TMEM269: variants seen among roughly 807,000 people sequenced by gnomAD.
The protein encoded by TMEM269 is transmembrane protein 269.
Under a neutral mutation model 15.8 loss-of-function variants are expected in TMEM269, and 12 were observed. The observed-to-expected ratio is 0.76, with a 90% confidence interval of 0.49 to 1.23. The LOEUF (loss-of-function observed/expected upper bound fraction) is 1.23, where lower values mean the gene tolerates loss of function less well. Among genes scored for constraint, TMEM269 ranks in the 50% most tolerant of loss-of-function variants. The probability of loss-of-function intolerance (pLI) is 0.00; values close to 1 mark genes in which losing one functional copy is unlikely to be tolerated. For missense variants in TMEM269, 211 were observed against 245.4 expected, an observed-to-expected ratio of 0.86 and a Z score of 0.94; for synonymous variants, 93 against 99.3, an observed-to-expected ratio of 0.94 and a Z score of 0.38.
At chr1:42,786,053 A>C (rs1182985787) in intron 1 of TMEM269, among the ~76,000 whole-genome samples, 1 of 152,234 alleles carries the variant, frequency 6.6e-6, no homozygotes, top group African/African-American at 2.4e-5. Context: ...AAAAATGAGT[A>C]AGTGGAAGAC....
At position 42,788,315 on chromosome 1, in the gene TMEM269, CAG is replaced by C. The variant is rs1191964036; in HGVS notation, c.-98-1479_-98-1478del. ...AATGGGTGAGGATTAAATGAGAAAA[CAG>C]ATCTGGGAACACCTTGAAACTTGTT... On this transcript the variant is annotated intron_variant, in intron 1 of 5. Transcript: ENST00000637012. This position sits in a 1 kb window ranked among gnomAD's most constrained non-coding sequence, Gnocchi z 4.0. Among the ~76,000 whole-genome samples, 1 of 152,174 alleles carries C rather than the reference CAG, an allele frequency of 6.6e-6. No homozygotes were observed. The highest frequency in any genetic ancestry group is 1.5e-5 in the Non-Finnish European group (1 of 68,026).
intron 4 of TMEM269, 116 bp from the exon 5 acceptor site, chr1:42,794,297 G>T: frequency 2.7e-6 from 2 of 730,650 alleles, no homozygotes; most frequent in Non-Finnish European, 4.5e-6. Context: ...CTGCCTTTGG[G>T]TTTAAGGGAA....
intron 2 of TMEM269, among the ~76,000 whole-genome samples, chr1:42,791,826 A>T (rs1327503886): frequency 6.6e-6 from 1 of 152,188 alleles, no homozygotes; most frequent in East Asian, 1.9e-4. Context: ...ACATGGTGAA[A>T]CACCATCTCT....
chr1:42,797,129 G>T lies in TMEM269; in HGVS notation c.485-969G>T, dbSNP rs189163732. Among the ~76,000 whole-genome samples the T allele has an allele frequency of 3.3e-4, 50 of 152,210 alleles. No individual in the cohort carries two copies. Among genetic ancestry groups the T allele is most frequent in the African/African-American group, 1.2e-3 (48 of 41,518 alleles). On this transcript the variant is annotated intron_variant, in intron 5 of 5. Coordinates refer to ENST00000637012, the MANE Select transcript of TMEM269 (RefSeq NM_001354602.2). This position sits in a 1 kb window ranked among gnomAD's most constrained non-coding sequence, Gnocchi z 4.9. ...AGTGCAAAATAGATATTCCACAAAC[G>T]TGAGTGCTCTTTTGCCTTTTGGTGG...
chr1:42,800,433 C>G lies in TMEM269; in HGVS notation c.*2208C>G, dbSNP rs1235439864. On this transcript the variant is annotated 3_prime_UTR_variant, in exon 6 of 6. Coordinates refer to ENST00000637012, the MANE Select transcript of TMEM269 (RefSeq NM_001354602.2). ...TCCTCTTAGGAACAAGGGAGAAGGC[C>G]AAGACTTTAAAATCTGCACTTCTCA... 1 of 152,122 alleles carries G rather than the reference C, an allele frequency of 6.6e-6. No homozygotes were observed. Among genetic ancestry groups the G allele is most frequent in the Non-Finnish European group, 1.5e-5 (1 of 68,024 alleles). 9.4% of individuals were successfully genotyped at this position (152,122 alleles called of 1,614,324 possible).
chr1:42,787,666 A>G (rs1167957042), intron 1 of TMEM269, among the ~76,000 whole-genome samples: 1 of 151,218 alleles, frequency 6.6e-6, no homozygotes, highest in Non-Finnish European at 1.5e-5. Context: ...TCACAGGGCC[A>G]ATGGAAATCC....
At position 42,787,170 on chromosome 1, in the gene TMEM269, T is replaced by C. The variant is rs1310901955; in HGVS notation, c.-99+2088T>C. On this transcript the variant is annotated intron_variant, in intron 1 of 5. Coordinates refer to ENST00000637012, the MANE Select transcript of TMEM269 (RefSeq NM_001354602.2). ...CCAATACAATGTTCAGTCCTCTTGG[T>C]TGGTAGACAGCAGAGCACAGGGGAA... 4.6e-5 allele frequency among the ~76,000 whole-genome samples: 7 copies of C among 152,354 alleles called. No homozygotes were observed. The East Asian group carries it at 1.3e-3, about 29-fold the overall frequency.
In TMEM269 at chr1:42,789,937, A is replaced by G; in HGVS notation, c.41+3A>G. 6.5e-7 allele frequency: 1 copy of G among 1,549,246 alleles called. No homozygotes were observed. Among genetic ancestry groups the G allele is most frequent in the South Asian group, 1.2e-5 (1 of 84,024 alleles). ...TCCATCATCTTCAGCTTCAGCAGGTAGGTCTGGGGCCCAGCAAGCTCTTAG... is the reference window on the plus strand; with the variant it reads ...TCCATCATCTTCAGCTTCAGCAGGTGGGTCTGGGGCCCAGCAAGCTCTTAG... On this transcript the variant is annotated splice_donor_region_variant and intron_variant, in intron 2 of 5. Coordinates refer to ENST00000637012, the MANE Select transcript of TMEM269 (RefSeq NM_001354602.2).
chr1:42,792,986 G>A (rs1439230659), intron 3 of TMEM269, 84 bp downstream of exon 3: 21 of 1,088,388 alleles, frequency 1.9e-5, no homozygotes, highest in Middle Eastern at 2.6e-4. Flanking sequence ...CTAACATCCC[G>A]CAGGCCTTCA....
In TMEM269 at chr1:42,797,790, T is replaced by G; in HGVS notation, c.485-308T>G. 1.9e-6 allele frequency: 1 copy of G among 528,320 alleles called. No individual in the cohort carries two copies. Among genetic ancestry groups the G allele is most frequent in the Non-Finnish European group, 3.8e-6 (1 of 265,932 alleles). 32.7% of individuals were successfully genotyped at this position (528,320 alleles called of 1,614,324 possible). A position where few individuals can be genotyped will look rare whatever the true frequency, so the allele number is the denominator to read the frequency against. On this transcript the variant is annotated intron_variant, in intron 5 of 5. Coordinates refer to ENST00000637012, the MANE Select transcript of TMEM269 (RefSeq NM_001354602.2). The surrounding 1 kb of genome is among the most constrained non-coding windows in gnomAD (Gnocchi z 4.9). ...AAGATTTTTTTTTCCTAACAAGGGT[T>G]TTTGGTTTTTGTCTTGGTTTGTTTT...
chr1:42,794,666 C>T (rs1199662006), intron 5 of TMEM269, 53 bp downstream of exon 5: 2 of 1,241,462 alleles, frequency 1.6e-6, no homozygotes, highest in Non-Finnish European at 2.3e-6. Flanking sequence ...CTTATTGCCA[C>T]TGTACCTCAC....
intron 4 of TMEM269, 144 bp downstream of exon 4, chr1:42,793,888 GC>G: frequency 9.9e-7 from 1 of 1,013,450 alleles, no homozygotes; most frequent in Non-Finnish European, 1.4e-6. Flanking sequence ...CATGCCCCAT[GC>G]CCACTGAAGG....
At position 42,798,245 on chromosome 1, in the gene TMEM269, C is replaced by T. The variant is rs528568632; in HGVS notation, c.*20C>T. The T allele has an allele frequency of 2.2e-4, 342 of 1,542,700 alleles. No individual in the cohort carries two copies. Among genetic ancestry groups the T allele is most frequent in the Non-Finnish European group, 2.7e-4 (314 of 1,146,932 alleles). Reference sequence around the variant, plus strand: ...CACTGAGGAAGCTAAGCAGCTCTACCAGCTCCTGCCGGCCTCTGTGGGGTT... The same window carrying T: ...CACTGAGGAAGCTAAGCAGCTCTACTAGCTCCTGCCGGCCTCTGTGGGGTT... On this transcript the variant is annotated 3_prime_UTR_variant, in exon 6 of 6. Transcript: ENST00000637012.
chr1:42,793,805 C>T (rs781004077), intron 4 of TMEM269, 61 bp downstream of exon 4: 10 of 1,501,000 alleles, frequency 6.7e-6, no homozygotes, highest in African/African-American at 4.2e-5. Context: ...GGGGGGCTGT[C>T]GGGTGCCAGA....
At position 42,794,558 on chromosome 1, in the gene TMEM269, T is replaced by C. The variant is rs1325745604; in HGVS notation, c.429T>C (p.Tyr143=). ...TCTTCATGATGGACCAGAGCTACTA[T>C]CCATATGACAAAATCCTGGAGTCTG... ...MILFMMDQSY[Y]PYDKILESEN... is the part of the protein sequence containing the mutation. The change falls in exon 5 of 6, where the codon TAT becomes TAC. Residue 143 remains tyrosine, a synonymous_variant. Transcript: ENST00000637012. The C allele has an allele frequency of 1.3e-6, 2 of 1,550,878 alleles. No individual in the cohort carries two copies. The highest frequency in any genetic ancestry group is 1.2e-5 in the South Asian group (1 of 84,060).
chr1:42,790,149 G>A (rs895576008), intron 2 of TMEM269, among the ~76,000 whole-genome samples: 5 of 152,172 alleles, frequency 3.3e-5, no homozygotes, highest in South Asian at 2.1e-4. Context: ...CTGTGAGAAA[G>A]TCAATAGATT....
chr1:42,785,582 C>T (rs1317737412), intron 1 of TMEM269, among the ~76,000 whole-genome samples: 1 of 152,188 alleles, frequency 6.6e-6, no homozygotes, highest in Non-Finnish European at 1.5e-5. Flanking sequence ...GCTTCCTGCC[C>T]GTGTCTGACA....
chr1:42,793,653 T>C lies in TMEM269; in HGVS notation c.192T>C (p.Ala64=). 6.4e-7 allele frequency: 1 copy of C among 1,550,580 alleles called. No homozygotes were observed. Among genetic ancestry groups the C allele is most frequent in the Non-Finnish European group, 8.7e-7 (1 of 1,146,974 alleles). Residue 64 remains alanine, a synonymous_variant, in exon 4 of 6, where the codon GCT becomes GCC. Transcript: ENST00000637012. ...AVFTTFGLAS[A]LLLGVDGLLS... is the part of the protein sequence containing the mutation. Reference sequence around the variant, plus strand: ...TCACCACCTTCGGCTTGGCCTCCGCTCTGCTCCTAGGCGTGGATGGACTTC... The same window carrying C: ...TCACCACCTTCGGCTTGGCCTCCGCCCTGCTCCTAGGCGTGGATGGACTTC...
intron 5 of TMEM269, among the ~76,000 whole-genome samples, chr1:42,795,487 G>A (rs1346805320): frequency 6.6e-6 from 1 of 152,182 alleles, no homozygotes; most frequent in Non-Finnish European, 1.5e-5. Context: ...AATGCAAGGA[G>A]GAAAACAAAC....
Sources: allele counts gnomAD v4.1 joint callset (sites outside exome capture counted in the v4.1 genomes callset), GRCh38; gene constraint gnomAD v4.1.1; non-coding constraint Gnocchi (gnomAD v3.1); transcripts MANE v1.5; gene names NCBI Gene and HGNC (gene_info 2026-07-23, HGNC 2026-07-21).